The following NCOR1 variants were observed in gnomAD, a reference collection of about 807,000 sequenced individuals.
NCOR1 encodes the protein protein phosphatase 1, regulatory subunit 109.
NCOR1 carries 63 observed loss-of-function variants against 288.1 expected under a neutral mutation model. The ratio of observed to expected loss-of-function variants is 0.22; its 90% CI spans 0.18 to 0.27. The LOEUF (loss-of-function observed/expected upper bound fraction) is 0.27, where lower values mean the gene tolerates loss of function less well. Ranked by LOEUF, NCOR1 falls within the 10% of genes least tolerant of loss-of-function variation. The pLI, the probability that NCOR1 is intolerant of heterozygous loss-of-function variation, is 1.00. For synonymous variants in NCOR1, 1,007 were observed against 1,065.9 expected, an observed-to-expected ratio of 0.94 and a Z score of 1.08; for missense variants, 2,397 against 3,019.2, an observed-to-expected ratio of 0.79 and a Z score of 4.83.
intron 2 of NCOR1, among the ~76,000 whole-genome samples, chr17:16,191,678 C>A (rs1023846850): frequency 3.9e-5 from 6 of 151,978 alleles, no homozygotes; most frequent in Admixed American, 2.6e-4. Context: ...ATTGGAGTCC[C>A]AGACAGAAAC....
chr17:16,127,573 A>ACATACACGTGTGTATATATGTATG (rs1568205757), intron 14 of NCOR1, among the ~76,000 whole-genome samples: 1 of 144,774 alleles, frequency 6.9e-6, no homozygotes, highest in African/African-American at 2.6e-5. Flanking sequence ...ATGTATGTAT[A>ACATACACGTGTGTATATATGTATG]TATACATATG....
intron 6 of NCOR1, among the ~76,000 whole-genome samples, chr17:16,157,917 T>G (rs2080076651): frequency 6.6e-6 from 1 of 152,030 alleles, no homozygotes; most frequent in Non-Finnish European, 1.5e-5. Context: ...ATTAAGAGTA[T>G]GAGAGTAAAC....
intron 22 of NCOR1, 61 bp from the exon 23 acceptor site, chr17:16,086,503 CCT>C (rs879587609): frequency 3.5e-4 from 506 of 1,429,448 alleles, no homozygotes; most frequent in Middle Eastern, 5.6e-4. Context: ...CAACATGTTA[CCT>C]CTCTCAGTCA....
rs577562808 is a variant in NCOR1 at position 16,041,576 on chromosome 17, A to G, written c.6680-1082T>C. On this transcript the variant is annotated intron_variant, in intron 42 of 45. Transcript: ENST00000268712. ...TTATAGGCCCCCCGCCACCATGCCC[A>G]GCTAATTTTTGTATTTTTAGTAGAG... Among the ~76,000 whole-genome samples the G allele has an allele frequency of 2.5e-4, 37 of 149,704 alleles. 1 individual carries two copies. The East Asian group carries it at 4.0e-3, about 16-fold the overall frequency.
intron 14 of NCOR1, among the ~76,000 whole-genome samples, chr17:16,126,462 C>A (rs73981462): frequency 6.6e-6 from 1 of 151,954 alleles, no homozygotes; most frequent in Admixed American, 6.6e-5. Context: ...AGATTCTACT[C>A]GGAAATCTGG....
chr17:16,105,217 T>C (rs1047067391), intron 19 of NCOR1, among the ~76,000 whole-genome samples: 2 of 152,022 alleles, frequency 1.3e-5, no homozygotes, highest in Admixed American at 6.5e-5. Flanking sequence ...TGGGCTGCTG[T>C]GGAAGAAAAA....
chr17:16,060,233 A>G (rs1306269374), intron 37 of NCOR1, among the ~76,000 whole-genome samples: 1 of 152,242 alleles, frequency 6.6e-6, no homozygotes, highest in Non-Finnish European at 1.5e-5. Flanking sequence ...AACCACACAC[A>G]GAGACATGGA....
chr17:16,133,869 A>C (rs533388882), intron 14 of NCOR1, among the ~76,000 whole-genome samples: 1 of 152,232 alleles, frequency 6.6e-6, no homozygotes, highest in South Asian at 2.1e-4. Context: ...CCCACAATCA[A>C]TCCATCAGCA....
intron 1 of NCOR1, among the ~76,000 whole-genome samples, chr17:16,214,749 T>C (rs1346355546): frequency 6.6e-6 from 1 of 152,134 alleles, no homozygotes; most frequent in African/African-American, 2.4e-5. Flanking sequence ...CAAATTCCTC[T>C]CTCCCCAAAA....
At chr17:16,146,626 G>A (rs2078033125) in intron 9 of NCOR1, 78 bp from the exon 10 acceptor site, 1 of 1,264,428 alleles carries the variant, frequency 7.9e-7, no homozygotes, top group East Asian at 2.6e-5. Context: ...TAAAATAAAT[G>A]CTACTTCTTA....
At chr17:16,114,445 C>T (rs1270195341) in intron 18 of NCOR1, among the ~76,000 whole-genome samples, 1 of 152,158 alleles carries the variant, frequency 6.6e-6, no homozygotes, top group East Asian at 1.9e-4. Flanking sequence ...AAAGTCTTCA[C>T]TAATTTCAGC....
chr17:16,070,308 G>C lies in NCOR1; in HGVS notation c.4370C>G (p.Ser1457Cys). The change falls in exon 31 of 46, where the codon TCC becomes TGC. Residue 1457 changes from serine (S) to cysteine (C), a missense_variant. Physicochemically the swap from Ser to Cys is moderately radical, Grantham distance 112. Transcript: ENST00000268712. Reference sequence around the variant, plus strand: ...TTCATGCAGTGTGGACCTAAGAACGGAGGGGCCAGAGCTTACCACTGACGT... The same window carrying C: ...TTCATGCAGTGTGGACCTAAGAACGCAGGGGCCAGAGCTTACCACTGACGT... ...RHTSVVSSGP[S>C]VLRSTLHEAP... 1 of 1,614,124 alleles carries C rather than the reference G, an allele frequency of 6.2e-7. No individual in the cohort carries two copies.
intron 34 of NCOR1, among the ~76,000 whole-genome samples, chr17:16,064,624 A>C (rs2060919824): frequency 6.6e-6 from 1 of 152,046 alleles, no homozygotes; most frequent in Admixed American, 6.6e-5. Flanking sequence ...CAAAAAAAAA[A>C]CAAGAAAAGA....
At chr17:16,149,661 C>T in intron 8 of NCOR1, 144 bp from the exon 9 acceptor site, 1 of 401,114 alleles carries the variant, frequency 2.5e-6, no homozygotes, top group South Asian at 5.9e-5. Flanking sequence ...AATTTTTTTA[C>T]CCTGCAAAAT....
At chr17:16,161,329 GC>G (rs1465909707) in intron 5 of NCOR1, among the ~76,000 whole-genome samples, 1 of 151,268 alleles carries the variant, frequency 6.6e-6, no homozygotes, top group Non-Finnish European at 1.5e-5. Flanking sequence ...CACTCTTTTT[GC>G]CCAGGCTGGA....
intron 3 of NCOR1, among the ~76,000 whole-genome samples, chr17:16,173,963 C>A (rs2153474081): frequency 6.6e-6 from 1 of 151,626 alleles, no homozygotes; most frequent in South Asian, 2.1e-4. Flanking sequence ...TATAAGAGCA[C>A]CCAAAAGAAC....
At chr17:16,033,459 G>C (rs1302518572) in intron 45 of NCOR1, among the ~76,000 whole-genome samples, 1 of 152,032 alleles carries the variant, frequency 6.6e-6, no homozygotes, top group Non-Finnish European at 1.5e-5. Context: ...ACTGGTCTGG[G>C]CTGTAAGCTT....
rs142765905 is a variant in NCOR1, at chr17:16,126,204, T to C, written c.1512A>G (p.Gln504=). ...TTTCTTCTTGCGAGGGTCGAGCAAT[T>C]TGCTGCTAGAATGAACCATCATTTG... The part of the protein sequence containing the change: ...NYGKRRGRNQ[Q]IARPSQEEKV... Residue 504 remains glutamine (Q), a splice_region_variant and synonymous_variant, in exon 15 of 46, where the codon CAA becomes CAG. Coordinates refer to ENST00000268712, the MANE Select transcript of NCOR1 (RefSeq NM_006311.4). The C allele has an allele frequency of 1.2e-5, 18 of 1,516,618 alleles. No homozygotes were observed. The African/African-American group carries it at 2.6e-4, about 22-fold the overall frequency. The allele number at this position is 1,516,618 out of a possible 1,614,324, so 93.9% of individuals were successfully genotyped here.
intron 9 of NCOR1, 51 bp downstream of exon 9, chr17:16,149,400 G>T: frequency 9.2e-7 from 1 of 1,087,764 alleles, no homozygotes; most frequent in Non-Finnish European, 1.3e-6. Context: ...GCCTAAATGA[G>T]CATGAATGGG....
Sources: allele counts gnomAD v4.1 joint callset (sites outside exome capture counted in the v4.1 genomes callset), GRCh38; gene constraint gnomAD v4.1.1; transcripts MANE v1.5; gene names NCBI Gene and HGNC (gene_info 2026-07-23, HGNC 2026-07-21).